Variants in KPNA6 observed in about 807,000 individuals in gnomAD.
The protein encoded by KPNA6 is karyopherin subunit alpha 6, also known as importin subunit alpha-7.
In KPNA6, 9 loss-of-function variants were observed where a neutral mutation model predicts 72.0. That is an observed-to-expected ratio of 0.13 (90% CI 0.08 to 0.22). The LOEUF (loss-of-function observed/expected upper bound fraction) is 0.22. KPNA6 is among the 10% of genes least tolerant of loss of function. KPNA6 has a pLI of 1.00. For synonymous variants in KPNA6, 219 were observed against 242.1 expected (o/e 0.90, Z 0.89); for missense variants, 374 against 655.7 (o/e 0.57, Z 4.69).
At chr1:32,118,972 ATGTGTG>A (rs144915333) in intron 1 of KPNA6, among the ~76,000 whole-genome samples, 7 of 120,988 alleles carry the variant, frequency 5.8e-5, no homozygotes, top group Non-Finnish European at 9.7e-5. Flanking sequence ...AGCCATATAT[ATGTGTG>A]TGTGTGTGTG....
intron 12 of KPNA6, among the ~76,000 whole-genome samples, chr1:32,167,571 C>G (rs1642361795): frequency 6.6e-6 from 1 of 152,028 alleles, no homozygotes; most frequent in Non-Finnish European, 1.5e-5. Context: ...GACATCCATC[C>G]TTTCTCTACC....
chr1:32,120,327 C>A (rs1165708890), intron 1 of KPNA6, among the ~76,000 whole-genome samples: 1 of 150,452 alleles, frequency 6.6e-6, no homozygotes, highest in Non-Finnish European at 1.5e-5. Flanking sequence ...TCACTGCAAG[C>A]CCTGCCTCCT....
chr1:32,150,919 C>T (rs1026455350), intron 1 of KPNA6, among the ~76,000 whole-genome samples: 12 of 152,102 alleles, frequency 7.9e-5, no homozygotes, highest in Non-Finnish European at 1.3e-4. Flanking sequence ...GCCACCACGC[C>T]CCGGCTGTTT....
chr1:32,135,506 T>G (rs1641718658), intron 1 of KPNA6, among the ~76,000 whole-genome samples: 1 of 151,842 alleles, frequency 6.6e-6, no homozygotes, highest in African/African-American at 2.4e-5. Flanking sequence ...CCATTTTTTT[T>G]TTTTTTTTTA....
At chr1:32,144,016 CGACA>C (rs1641887478) in intron 1 of KPNA6, among the ~76,000 whole-genome samples, 1 of 152,172 alleles carries the variant, frequency 6.6e-6, no homozygotes, top group Non-Finnish European at 1.5e-5. Context: ...ACACCTGCAA[CGACA>C]GATGGTACCA....
chr1:32,133,027 G>A (rs1423463759), intron 1 of KPNA6, among the ~76,000 whole-genome samples: 1 of 152,044 alleles, frequency 6.6e-6, no homozygotes, highest in African/African-American at 2.4e-5. Context: ...GAGCCACGGT[G>A]CCTGGCCCCA....
At chr1:32,151,214 A>G (rs2124047783) in intron 1 of KPNA6, among the ~76,000 whole-genome samples, 1 of 152,226 alleles carries the variant, frequency 6.6e-6, no homozygotes, top group South Asian at 2.1e-4. Context: ...TTAGCAGTGT[A>G]AGGCTCGTTT....
Position 32,168,060 on chromosome 1 carries a change from C to T in KPNA6, c.1244+764C>T, listed in dbSNP as rs554336551. Among the ~76,000 whole-genome samples the T allele has an allele frequency of 1.1e-4, 17 of 152,030 alleles. No homozygotes were observed. The East Asian group carries it at 2.9e-3, about 26-fold the overall frequency. On this transcript the variant is annotated intron_variant, in intron 12 of 13. Coordinates refer to ENST00000373625, the MANE Select transcript of KPNA6 (RefSeq NM_012316.5). ...GCGTGTGCCCGTGGCCACAGCTACT[C>T]AGTAGGCTGAAGCAGGAGGATCACC...
chr1:32,163,345 CAGCTATGGAAG>C, intron 10 of KPNA6, 32 bp downstream of exon 10: 1 of 1,511,700 alleles, frequency 6.6e-7, no homozygotes, highest in Non-Finnish European at 9.1e-7. Context: ...GATCTTAGAC[CAGCTATGGAAG>C]AGCTTGTGGA....
intron 1 of KPNA6, among the ~76,000 whole-genome samples, chr1:32,128,975 G>T (rs1025670149): frequency 6.6e-6 from 1 of 152,064 alleles, no homozygotes; most frequent in Non-Finnish European, 1.5e-5. Flanking sequence ...TAATACCCAA[G>T]TTGCACAATT....
intron 1 of KPNA6, among the ~76,000 whole-genome samples, chr1:32,135,194 A>G (rs1285408864): frequency 6.6e-6 from 1 of 152,088 alleles, no homozygotes; most frequent in African/African-American, 2.4e-5. Context: ...CAGCCTCCCA[A>G]GTAGCTGGGA....
At position 32,175,589 on chromosome 1, in the gene KPNA6, C is replaced by G. The variant is rs1428382251; in HGVS notation, c.*4695C>G. 2 of 149,530 alleles carry G rather than the reference C, an allele frequency of 1.3e-5. No individual in the cohort carries two copies. The highest frequency in any genetic ancestry group is 4.9e-5 in the African/African-American group (2 of 40,420). 9.3% of individuals were successfully genotyped at this position (149,530 alleles called of 1,614,324 possible). A position where few individuals can be genotyped will look rare whatever the true frequency, so the allele number is the denominator to read the frequency against. On this transcript the variant is annotated 3_prime_UTR_variant, in exon 14 of 14. Coordinates refer to ENST00000373625, the MANE Select transcript of KPNA6 (RefSeq NM_012316.5). ...CACGAGGTCAGGAGTTTGAGACCAG[C>G]CTGGCAACATAGTGAAACCCCATCT... is the stretch of plus-strand genomic sequence containing the variant.
At chr1:32,169,783 AT>A in intron 12 of KPNA6, 98 bp from the exon 13 acceptor site, 2 of 1,106,684 alleles carry the variant, frequency 1.8e-6, no homozygotes, top group East Asian at 2.4e-5. Context: ...AAATAAAAAA[AT>A]AAATTAGTAA....
chr1:32,119,972 G>A (rs935045619), intron 1 of KPNA6, among the ~76,000 whole-genome samples: 5 of 151,520 alleles, frequency 3.3e-5, no homozygotes, highest in Non-Finnish European at 5.9e-5. Flanking sequence ...TTCTGACCTC[G>A]TGATTCACCT....
In KPNA6 at chr1:32,157,381, C is replaced by T. The variant is rs1209249352; in HGVS notation, c.267C>T (p.Leu89=). 6.2e-7 allele frequency: 1 copy of T among 1,613,992 alleles called. No homozygotes were observed. Among genetic ancestry groups the T allele is most frequent in the Admixed American group, 1.7e-5 (1 of 60,004 alleles). ...SVITREMVEM[L]FSDDSDLQLA... is the part of the protein sequence containing the mutation. The stretch of plus-strand genomic sequence containing the variant: ...TCACAAGAGAGATGGTGGAGATGCT[C>T]TTTTCTGATGATTCTGACCTGCAGT... The change falls in exon 4 of 14, where the codon CTC becomes CTT. Residue 89 remains leucine (L), a synonymous_variant. Transcript: ENST00000373625.
chr1:32,112,139 C>G (rs1641252614), intron 1 of KPNA6, among the ~76,000 whole-genome samples: 2 of 152,202 alleles, frequency 1.3e-5, no homozygotes, highest in Admixed American at 1.3e-4. Context: ...AGAAGCCTTC[C>G]TTATTTAAAA....
chr1:32,162,889 G>T (rs1473183044), intron 9 of KPNA6, among the ~76,000 whole-genome samples: 1 of 151,494 alleles, frequency 6.6e-6, no homozygotes, highest in Non-Finnish European at 1.5e-5. Context: ...TGGATCACAA[G>T]GTCAGGAGAT....
At chr1:32,118,972 A>ATGTGTGTGTG (rs144915333) in intron 1 of KPNA6, among the ~76,000 whole-genome samples, 132 of 120,904 alleles carry the variant, frequency 1.1e-3, no homozygotes, top group African/African-American at 4.4e-3. Flanking sequence ...AGCCATATAT[A>ATGTGTGTGTG]TGTGTGTGTG....
intron 1 of KPNA6, among the ~76,000 whole-genome samples, chr1:32,128,401 A>ATATATGTATT (rs1237203551): frequency 8.1e-6 from 1 of 123,054 alleles, no homozygotes; most frequent in Admixed American, 7.9e-5. Flanking sequence ...ATATATATAT[A>ATATATGTATT]TATATATATA....
Sources: gnomAD v4.1 joint callset for allele counts (sites outside exome capture counted in the v4.1 genomes callset) on GRCh38, gnomAD v4.1.1 for gene constraint, MANE v1.5 for transcripts, NCBI Gene and HGNC (gene_info 2026-07-23, HGNC 2026-07-21) for gene names.